The following GRB10 variants were observed in gnomAD, a reference collection of about 807,000 sequenced individuals.
The protein encoded by GRB10 is growth factor receptor bound protein 10.
In GRB10, 20 loss-of-function variants were observed where a neutral mutation model predicts 80.9. The ratio of observed to expected loss-of-function variants is 0.25; its 90% CI spans 0.17 to 0.36. The LOEUF (loss-of-function observed/expected upper bound fraction) is 0.36, where lower values mean the gene tolerates loss of function less well. Among genes scored for constraint, GRB10 ranks in the 10% least tolerant of loss-of-function variants. The probability of loss-of-function intolerance (pLI) is 1.00; values close to 1 mark genes in which losing one functional copy is unlikely to be tolerated. For missense variants in GRB10, 548 were observed against 747.7 expected (o/e 0.73, Z 3.12); for synonymous variants, 291 against 291.5 (o/e 1.00, Z 0.02).
intron 7 of GRB10, among the ~76,000 whole-genome samples, chr7:50,641,940 AG>A (rs1298887133): frequency 1.3e-5 from 2 of 152,186 alleles, no homozygotes; most frequent in African/African-American, 4.8e-5. Context: ...GCAGAGTACC[AG>A]GAAGTCTGCA....
At chr7:50,636,585 A>G (rs1443210754) in intron 7 of GRB10, among the ~76,000 whole-genome samples, 2 of 151,686 alleles carry the variant, frequency 1.3e-5, no homozygotes, top group African/African-American at 4.9e-5. Flanking sequence ...ACATCTGCAG[A>G]TCAATAAATG....
chr7:50,600,572 A>G (rs1050187611), intron 17 of GRB10, among the ~76,000 whole-genome samples: 1 of 152,196 alleles, frequency 6.6e-6, no homozygotes, highest in Admixed American at 6.5e-5. Context: ...GGAAGGAAGG[A>G]AAGAGGAGCA....
intron 4 of GRB10, among the ~76,000 whole-genome samples, chr7:50,704,872 C>A (rs1015572913): frequency 2.6e-5 from 4 of 152,240 alleles, no homozygotes; most frequent in Admixed American, 2.6e-4. Context: ...GTTACCCTCA[C>A]AACCCTCATC....
intron 8 of GRB10, 58 bp downstream of exon 8, chr7:50,626,764 T>A (rs1314768674): frequency 1.3e-6 from 2 of 1,598,880 alleles, no homozygotes; most frequent in African/African-American, 2.7e-5. Flanking sequence ...AGCAGCAGTC[T>A]TCATTCAATT....
chr7:50,598,013 G>A (rs1186291722), intron 17 of GRB10, among the ~76,000 whole-genome samples: 3 of 152,022 alleles, frequency 2.0e-5, no homozygotes, highest in Admixed American at 6.5e-5. Flanking sequence ...ACAGGTGCCC[G>A]CCACCACACC....
chr7:50,635,738 G>A (rs1445324624), intron 7 of GRB10, among the ~76,000 whole-genome samples: 1 of 151,902 alleles, frequency 6.6e-6, no homozygotes, highest in Non-Finnish European at 1.5e-5. Flanking sequence ...GATCATCACA[G>A]ATTATTATGA....
intron 7 of GRB10, among the ~76,000 whole-genome samples, chr7:50,646,640 T>G (rs907455400): frequency 6.6e-6 from 1 of 152,210 alleles, no homozygotes; most frequent in Non-Finnish European, 1.5e-5. Flanking sequence ...TAGTGCTAGA[T>G]TCCGCAAATT....
At chr7:50,716,814 A>G (rs937511873) in intron 4 of GRB10, among the ~76,000 whole-genome samples, 2 of 152,228 alleles carry the variant, frequency 1.3e-5, no homozygotes, top group South Asian at 4.1e-4. Context: ...GGAGAGGTCT[A>G]GGGTAGGAGC....
intron 3 of GRB10, among the ~76,000 whole-genome samples, chr7:50,739,748 G>A (rs1469335352): frequency 3.3e-5 from 5 of 152,184 alleles, no homozygotes; most frequent in Non-Finnish European, 7.3e-5. Context: ...TCAGTTGGAG[G>A]GCCCGCTCCC....
At chr7:50,775,179 A>AAAAAAAAAAAAC (rs1562689445) in intron 2 of GRB10, among the ~76,000 whole-genome samples, 2 of 148,606 alleles carry the variant, frequency 1.3e-5, no homozygotes, top group African/African-American at 5.0e-5. Flanking sequence ...AAAAACAAAA[A>AAAAAAAAAAAAC]AAAACAGTGG....
intron 2 of GRB10, among the ~76,000 whole-genome samples, chr7:50,768,792 C>T (rs1367972510): frequency 6.6e-6 from 1 of 152,210 alleles, no homozygotes; most frequent in Non-Finnish European, 1.5e-5. Context: ...TCACAAGTGT[C>T]TGAAAGGGGG....
intron 5 of GRB10, among the ~76,000 whole-genome samples, chr7:50,675,309 C>G (rs1473245502): frequency 6.6e-6 from 1 of 152,174 alleles, no homozygotes; most frequent in Non-Finnish European, 1.5e-5. Flanking sequence ...GAGAGAGAAG[C>G]CACAATGGCA....
intron 4 of GRB10, chr7:50,710,910 G>A: frequency 6.2e-7 from 1 of 1,612,680 alleles, no homozygotes. Context: ...GCTTGCATAG[G>A]AGGTCTCTCT....
chr7:50,724,724 C>T (rs1270560105), intron 4 of GRB10, among the ~76,000 whole-genome samples: 2 of 152,160 alleles, frequency 1.3e-5, no homozygotes, highest in Non-Finnish European at 2.9e-5. Flanking sequence ...GAGCTGGGGG[C>T]TGGCTGGGTA....
chr7:50,615,766 T>C (rs1021713237), intron 11 of GRB10, among the ~76,000 whole-genome samples: 6 of 152,216 alleles, frequency 3.9e-5, no homozygotes, highest in African/African-American at 1.4e-4. Flanking sequence ...CTGTTTTCCA[T>C]CTCCCACCTT....
chr7:50,612,884 C>T, intron 12 of GRB10, 45 bp from the exon 13 acceptor site: 1 of 1,296,474 alleles, frequency 7.7e-7, no homozygotes, highest in Non-Finnish European at 1.1e-6. Context: ...CACAGGGAGT[C>T]AGAAACAGCT....
rs773647618 is a variant in GRB10, at chr7:50,615,720, A to T, written c.984+490T>A. ...ACAAGAGTGTACATGGGAGCAAAGG[A>T]GCCTCCGGCCTAAGCTCTCTTTTGA... On this transcript the variant is annotated intron_variant, in intron 11 of 18. Coordinates refer to ENST00000401949, the MANE Select transcript of GRB10 (RefSeq NM_001350814.2). 7.4e-4 allele frequency among the ~76,000 whole-genome samples: 113 copies of T among 152,328 alleles called. 1 individual carries two copies. Among genetic ancestry groups the T allele is most frequent in the Middle Eastern group, 6.8e-3 (2 of 294 alleles).
At chr7:50,701,518 G>C (rs773881540) in intron 5 of GRB10, among the ~76,000 whole-genome samples, 1 of 152,196 alleles carries the variant, frequency 6.6e-6, no homozygotes, top group African/African-American at 2.4e-5. Flanking sequence ...TTGAGTCTAG[G>C]AGTTCAAGGC....
At chr7:50,719,734 C>T (rs1974544) in intron 4 of GRB10, among the ~76,000 whole-genome samples, 16,962 of 152,162 alleles carry the variant, frequency 0.11, 3,131 homozygotes, top group African/African-American at 0.38. Context: ...AACAATTACA[C>T]GGATGCCACT....
Sources: gnomAD v4.1 joint callset for allele counts (sites outside exome capture counted in the v4.1 genomes callset) on GRCh38, gnomAD v4.1.1 for gene constraint, MANE v1.5 for transcripts, NCBI Gene and HGNC (gene_info 2026-07-23, HGNC 2026-07-21) for gene names.